The following CDH19 variants were observed in gnomAD, a reference collection of about 807,000 sequenced individuals.
CDH19 encodes the protein cadherin 19, also known as cadherin-19.
CDH19 carries 67 observed loss-of-function variants against 64.2 expected under a neutral mutation model. The observed-to-expected ratio is 1.04, with a 90% CI of 0.86 to 1.28. The LOEUF (loss-of-function observed/expected upper bound fraction) is 1.28, where lower values mean the gene tolerates loss of function less well. Among genes scored for constraint, CDH19 ranks in the 50% most tolerant of loss-of-function variants. The pLI, the probability that CDH19 is intolerant of heterozygous loss-of-function variation, is 0.00. For missense variants in CDH19, 1,030 were observed against 929.0 expected (o/e 1.11, Z -1.41); for synonymous variants, 346 against 319.3 (o/e 1.08, Z -0.89).
chr18:66,547,042 C>T (rs1010014744), intron 5 of CDH19, among the ~76,000 whole-genome samples: 4 of 151,986 alleles, frequency 2.6e-5, no homozygotes, highest in African/African-American at 7.2e-5. Context: ...ATCAGACGTG[C>T]ATTTTAACAA....
chr18:66,566,754 G>A (rs186724774), intron 3 of CDH19, among the ~76,000 whole-genome samples: 10 of 151,718 alleles, frequency 6.6e-5, no homozygotes, highest in Admixed American at 4.0e-4. Flanking sequence ...TTCCTACAAC[G>A]CTTGCCAATC....
chr18:66,502,420 G>T lies in CDH19; in HGVS notation c.*2392C>A, dbSNP rs1305970310. 1 of 151,924 alleles carries T rather than the reference G, an allele frequency of 6.6e-6. No homozygotes were observed. Among genetic ancestry groups the T allele is most frequent in the Admixed American group, 6.6e-5 (1 of 15,232 alleles). The allele number at this position is 151,924 out of a possible 1,614,324, so 9.4% of individuals were successfully genotyped here. A position where few individuals can be genotyped will look rare whatever the true frequency, so the allele number is the denominator to read the frequency against. ...GTATTCCATTAATGTGCATTTTAATGAGTTGTTTATCCAAATGTATTCATT... is the reference window on the plus strand; with the variant it reads ...GTATTCCATTAATGTGCATTTTAATTAGTTGTTTATCCAAATGTATTCATT... On this transcript the variant is annotated 3_prime_UTR_variant, in exon 12 of 12. Coordinates refer to ENST00000262150, the MANE Select transcript of CDH19 (RefSeq NM_021153.4).
At position 66,584,386 on chromosome 18, in the gene CDH19, C is replaced by T. The variant is rs538778267; in HGVS notation, c.-112-12070G>A. Among the ~76,000 whole-genome samples the T allele has an allele frequency of 6.6e-5, 10 of 152,082 alleles. No homozygotes were observed. The East Asian group carries it at 9.7e-4, about 15-fold the overall frequency. On this transcript the variant is annotated intron_variant, in intron 1 of 11. Coordinates refer to ENST00000262150, the MANE Select transcript of CDH19 (RefSeq NM_021153.4). ...AGGGAAAAAGATACACTTACACTGT[C>T]GGTGAGAGTATAAATTAGTATTTAC...
chr18:66,563,029 A>C, intron 3 of CDH19, among the ~76,000 whole-genome samples: 1 of 152,098 alleles, frequency 6.6e-6, no homozygotes, highest in Admixed American at 6.6e-5. Flanking sequence ...AACTTTATTA[A>C]ATGATGTTCT....
At chr18:66,530,720 T>C (rs150609477) in intron 8 of CDH19, among the ~76,000 whole-genome samples, 119 of 152,264 alleles carry the variant, frequency 7.8e-4, no homozygotes, top group Non-Finnish European at 1.3e-3. Flanking sequence ...ATTTATCTTA[T>C]AGCAGACTTT....
intron 5 of CDH19, 38 bp from the exon 6 acceptor site, chr18:66,544,941 T>A: frequency 7.2e-7 from 1 of 1,381,348 alleles, no homozygotes; most frequent in African/African-American, 1.5e-5. Flanking sequence ...GGATAAATAC[T>A]TAATATAGAC....
At chr18:66,554,553 G>A (rs758537805) in intron 3 of CDH19, 29 bp from the exon 4 acceptor site, 1 of 1,593,330 alleles carries the variant, frequency 6.3e-7, no homozygotes. Context: ...AGGAAATTAA[G>A]ATTGTGGTTT....
chr18:66,584,080 A>G lies in CDH19; in HGVS notation c.-112-11764T>C, dbSNP rs560535646. On this transcript the variant is annotated intron_variant, in intron 1 of 11. Transcript: ENST00000262150. ...CTAAACAGGAAAACTACAGAATGAG[A>G]GAAAATATTTGCAATCTATGCATCT... Among the ~76,000 whole-genome samples the G allele has an allele frequency of 2.0e-5, 3 of 152,280 alleles. No individual in the cohort carries two copies. The South Asian group carries it at 6.2e-4, about 32-fold the overall frequency.
intron 1 of CDH19, among the ~76,000 whole-genome samples, chr18:66,595,125 GGAA>G (rs1465712470): frequency 6.6e-6 from 1 of 151,634 alleles, no homozygotes; most frequent in Non-Finnish European, 1.5e-5. Flanking sequence ...AAGGCAGAAA[GGAA>G]GAAGTTCTTT....
chr18:66,541,193 T>G (rs977831686), intron 7 of CDH19, among the ~76,000 whole-genome samples: 3 of 152,094 alleles, frequency 2.0e-5, no homozygotes, highest in African/African-American at 4.8e-5. Context: ...GTTTGGGAAT[T>G]TCCATGCTTT....
chr18:66,505,560 AAT>A (rs72384449), intron 11 of CDH19, among the ~76,000 whole-genome samples: 32,646 of 146,194 alleles, frequency 0.22, 4,075 homozygotes, highest in East Asian at 0.46. Context: ...TATATATATT[AAT>A]ATATATATAA....
At chr18:66,511,473 C>T (rs1407551549) in intron 10 of CDH19, 95 bp downstream of exon 10, 1 of 625,282 alleles carries the variant, frequency 1.6e-6, no homozygotes, top group Non-Finnish European at 2.9e-6. Context: ...TATTATGTTG[C>T]AAGAACAGTA....
chr18:66,539,914 G>A (rs1001841480), intron 7 of CDH19, among the ~76,000 whole-genome samples: 1 of 151,996 alleles, frequency 6.6e-6, no homozygotes, highest in Non-Finnish European at 1.5e-5. Flanking sequence ...GTGTGTGTAT[G>A]CTAAGGTTAT....
At chr18:66,514,100 A>C (rs1985623315) in intron 9 of CDH19, among the ~76,000 whole-genome samples, 1 of 151,484 alleles carries the variant, frequency 6.6e-6, no homozygotes, top group Non-Finnish European at 1.5e-5. Context: ...CATGTTATAA[A>C]TGTTTATATT....
At position 66,544,710 on chromosome 18, in the gene CDH19, CAT is replaced by C; in HGVS notation, c.960+7_960+8del. 1 of 1,571,580 alleles carries C rather than the reference CAT, an allele frequency of 6.4e-7. No individual in the cohort carries two copies. Among genetic ancestry groups the C allele is most frequent in the South Asian group, 1.2e-5 (1 of 86,670 alleles). ...TATTCTGCAAGGCAAATAATTTTAA[CAT>C]GTCTACCTTTTTTAATATAACTATT... is the stretch of plus-strand genomic sequence containing the variant. On this transcript the variant is annotated splice_region_variant and intron_variant, in intron 6 of 11. Transcript: ENST00000262150.
At chr18:66,576,026 C>G (rs1174121857) in intron 1 of CDH19, among the ~76,000 whole-genome samples, 1 of 150,470 alleles carries the variant, frequency 6.6e-6, no homozygotes, top group African/African-American at 2.4e-5. Context: ...ATATAATAAA[C>G]CTAAAGCAAC....
At chr18:66,510,288 A>AG (rs1335603476) in intron 10 of CDH19, among the ~76,000 whole-genome samples, 7 of 151,640 alleles carry the variant, frequency 4.6e-5, no homozygotes, top group Non-Finnish European at 2.9e-5. Context: ...GGCAGATCTA[A>AG]GAGTTGAGAG....
intron 1 of CDH19, among the ~76,000 whole-genome samples, chr18:66,583,913 A>C (rs1163395555): frequency 1.3e-5 from 2 of 152,132 alleles, no homozygotes; most frequent in Non-Finnish European, 2.9e-5. Context: ...AAGACAATCT[A>C]GGCAATACCA....
intron 1 of CDH19, among the ~76,000 whole-genome samples, chr18:66,593,918 A>G (rs1988812102): frequency 6.6e-6 from 1 of 152,084 alleles, no homozygotes; most frequent in African/African-American, 2.4e-5. Context: ...GATAGCAATG[A>G]GAGGTTTGGA....
Sources: gnomAD v4.1 joint callset for allele counts (sites outside exome capture counted in the v4.1 genomes callset) on GRCh38, gnomAD v4.1.1 for gene constraint, MANE v1.5 for transcripts, NCBI Gene and HGNC (gene_info 2026-07-23, HGNC 2026-07-21) for gene names.